Variants in MRPL18 observed in about 807,000 individuals in gnomAD.
The protein encoded by MRPL18 is mitochondrial ribosomal protein L18, also known as large ribosomal subunit protein uL18m.
Under a neutral mutation model 20.9 loss-of-function variants are expected in MRPL18, and 16 were observed. The observed-to-expected ratio is 0.76, with a 90% CI of 0.52 to 1.16. MRPL18 has a LOEUF of 1.16. Among genes scored for constraint, MRPL18 ranks in the 50% most tolerant of loss-of-function variants. MRPL18 has a pLI of 0.00. For missense variants in MRPL18, 233 were observed against 230.6 expected, an observed-to-expected ratio of 1.01 and a Z score of -0.07; for synonymous variants, 91 against 87.1, an observed-to-expected ratio of 1.04 and a Z score of -0.25.
intron 2 of MRPL18, among the ~76,000 whole-genome samples, chr6:159,793,275 C>T (rs1446740298): frequency 3.3e-5 from 5 of 152,128 alleles, no homozygotes; most frequent in Non-Finnish European, 7.3e-5. Flanking sequence ...CATAATGAAT[C>T]GGGCCCTTCA....
chr6:159,793,832 A>C (rs1190469974), intron 2 of MRPL18, among the ~76,000 whole-genome samples: 2 of 152,100 alleles, frequency 1.3e-5, no homozygotes, highest in Non-Finnish European at 2.9e-5. Flanking sequence ...GAGTGGCGTG[A>C]ACCTGGGAGG....
chr6:159,795,461 G>A (rs1781008548), intron 2 of MRPL18, among the ~76,000 whole-genome samples: 1 of 92,870 alleles, frequency 1.1e-5, no homozygotes, highest in Non-Finnish European at 2.4e-5. Flanking sequence ...CTCTTAACGA[G>A]CATGCTGCCT....
upstream of MRPL18, chr6:159,790,438 C>G: frequency 1.1e-6 from 1 of 916,874 alleles, no homozygotes; most frequent in South Asian, 1.5e-5. Context: ...AGGGGACTTG[C>G]TACTTCCGGG....
At chr6:159,797,123 G>A (rs1432079648) in intron 2 of MRPL18, among the ~76,000 whole-genome samples, 164 bp from the exon 3 acceptor site, 2 of 151,920 alleles carry the variant, frequency 1.3e-5, no homozygotes, top group Non-Finnish European at 2.9e-5. Flanking sequence ...TCATAAAGGC[G>A]GAGGAAAAAT....
chr6:159,790,076 C>T (rs1780824621), upstream of MRPL18: 2 of 179,658 alleles, frequency 1.1e-5, no homozygotes, highest in African/African-American at 2.3e-5. Flanking sequence ...TTTAAGGGCG[C>T]GAACCTGGGT....
At chr6:159,797,166 TTGAAG>T (rs55765928) in intron 2 of MRPL18, 116 bp from the exon 3 acceptor site, 522,790 of 998,736 alleles carry the variant, frequency 0.52, 139,509 homozygotes, top group Admixed American at 0.58. Context: ...GTTAAATATG[TTGAAG>T]TAAATGAACC....
chr6:159,790,886 G>T, intron 1 of MRPL18, 54 bp from the exon 2 acceptor site: 1 of 1,598,410 alleles, frequency 6.3e-7, no homozygotes, highest in East Asian at 2.2e-5. Context: ...GCGGGTTCGT[G>T]CGCTGTCCAT....
chr6:159,791,168 A>G (rs764214404), intron 2 of MRPL18, 42 bp downstream of exon 2: 3 of 1,604,478 alleles, frequency 1.9e-6, no homozygotes, highest in South Asian at 1.1e-5. Context: ...AGTGCACCCT[A>G]CAGACTATTT....
At chr6:159,793,903 C>T (rs1230631446) in intron 2 of MRPL18, among the ~76,000 whole-genome samples, 2 of 149,498 alleles carry the variant, frequency 1.3e-5, no homozygotes, top group Admixed American at 1.3e-4. Flanking sequence ...CAGACTGAGA[C>T]TCCGTCTCAA....
In MRPL18 at chr6:159,797,254, T is replaced by C. The variant is rs1176314382; in HGVS notation, c.240-33T>C. On this transcript the variant is annotated intron_variant, in intron 2 of 3. Coordinates refer to ENST00000367034, the MANE Select transcript of MRPL18 (RefSeq NM_014161.5). The stretch of plus-strand genomic sequence containing the variant: ...AATGTAACTTTAGGATACAGATTCT[T>C]CTGTGATTTTATTATCTTCTCACCC... 2.5e-6 allele frequency: 4 copies of C among 1,568,774 alleles called. No individual in the cohort carries two copies. In the East Asian group the frequency reaches 9.0e-5, roughly 35 times the overall value.
Position 159,797,340 on chromosome 6 carries a change from A to G in MRPL18, c.293A>G (p.Asn98Ser), listed in dbSNP as rs1246877038. 7 of 1,614,210 alleles carry G rather than the reference A, an allele frequency of 4.3e-6. No individual in the cohort carries two copies. The South Asian group carries it at 7.7e-5, about 18-fold the overall frequency. ...GTAGAAGCACTTGTGGAGCATCAGA[A>G]TGGCAAGGTTGTGGTTTCGGCCTCC... ...HHVEALVEHQ[N>S]GKVVVSASTR... Residue 98 changes from asparagine (N) to serine (S), a missense_variant, in exon 3 of 4, where the codon AAT (asparagine) becomes AGT (serine). By Grantham distance (46) the Asn-to-Ser change is conservative. Transcript: ENST00000367034.
intron 2 of MRPL18, among the ~76,000 whole-genome samples, chr6:159,793,638 G>A (rs112836508): frequency 5.3e-5 from 8 of 152,208 alleles, no homozygotes; most frequent in East Asian, 1.9e-4. Context: ...GGCCGGGCGC[G>A]GTGGCTCACG....
upstream of MRPL18, among the ~76,000 whole-genome samples, chr6:159,790,292 C>T (rs960137807): frequency 1.3e-5 from 2 of 152,074 alleles, no homozygotes; most frequent in African/African-American, 4.8e-5. Flanking sequence ...TGCCTTTGAC[C>T]CCGGACTTAA....
At chr6:159,794,833 A>T (rs2115009530) in intron 2 of MRPL18, among the ~76,000 whole-genome samples, 1 of 152,322 alleles carries the variant, frequency 6.6e-6, no homozygotes, top group Middle Eastern at 3.4e-3. Context: ...AGAGAAAGAA[A>T]TAAGGGGACC....
rs766973463 is a variant in MRPL18, at chr6:159,791,043, C to A, written c.156C>A (p.Asn52Lys). ...EAVAPEFTNRNPRNLELLSVA... is the reference protein window; with the variant it reads ...EAVAPEFTNRKPRNLELLSVA... ...TCGCCCCAGAATTCACCAACCGGAA[C>A]CCCCGGAACCTGGAGCTTTTATCTG... The change falls in exon 2 of 4, where the codon AAC becomes AAA. Residue 52 changes from asparagine (N) to lysine (K), a missense_variant. Coordinates refer to ENST00000367034, the MANE Select transcript of MRPL18 (RefSeq NM_014161.5). 1 of 1,614,186 alleles carries A rather than the reference C, an allele frequency of 6.2e-7. No individual in the cohort carries two copies. The highest frequency in any genetic ancestry group is 8.5e-7 in the Non-Finnish European group (1 of 1,180,032).
At chr6:159,796,076 G>A (rs868381159) in intron 2 of MRPL18, among the ~76,000 whole-genome samples, 38 of 150,714 alleles carry the variant, frequency 2.5e-4, no homozygotes, top group Admixed American at 2.0e-3. Flanking sequence ...TGAGTCACAT[G>A]CCCAGCCTAA....
Position 159,798,277 on chromosome 6 carries a change from C to A in MRPL18, c.*154C>A, listed in dbSNP as rs906210526. 2 of 560,172 alleles carry A rather than the reference C, an allele frequency of 3.6e-6. No homozygotes were observed. The highest frequency in any genetic ancestry group is 3.9e-5 in the African/African-American group (2 of 51,348). The allele number at this position is 560,172 out of a possible 1,614,324, so 34.7% of individuals were successfully genotyped here. A position where few individuals can be genotyped will look rare whatever the true frequency, so the allele number is the denominator to read the frequency against. ...TTGTAGTTAAGGTCATCCTCCTCCC[C>A]TTTCTGTTTTTTTAAATCAAGAACT... On this transcript the variant is annotated 3_prime_UTR_variant, in exon 4 of 4. Coordinates refer to ENST00000367034, the MANE Select transcript of MRPL18 (RefSeq NM_014161.5).
At chr6:159,790,782 G>A in intron 1 of MRPL18, 143 bp downstream of exon 1, 1 of 1,384,626 alleles carries the variant, frequency 7.2e-7, no homozygotes, top group Non-Finnish European at 9.9e-7. Context: ...GGAAGTTAAG[G>A]ACGGGGTCAG....
At chr6:159,791,971 T>C (rs534847285) in intron 2 of MRPL18, among the ~76,000 whole-genome samples, 36 of 152,370 alleles carry the variant, frequency 2.4e-4, no homozygotes, top group African/African-American at 8.4e-4. Context: ...GTTAGGAGTC[T>C]AGTATGACTT....
Sources: gnomAD v4.1 joint callset for allele counts (sites outside exome capture counted in the v4.1 genomes callset) on GRCh38, gnomAD v4.1.1 for gene constraint, MANE v1.5 for transcripts, NCBI Gene and HGNC (gene_info 2026-07-23, HGNC 2026-07-21) for gene names.